Variants in CHRM3 observed in about 807,000 individuals in gnomAD.
CHRM3 encodes cholinergic receptor muscarinic 3.
CHRM3 carries 11 observed loss-of-function variants against 41.8 expected under a neutral mutation model. The ratio of observed to expected loss-of-function variants is 0.26; its 90% confidence interval spans 0.17 to 0.44. The LOEUF (loss-of-function observed/expected upper bound fraction) is 0.44, where lower values mean the gene tolerates loss of function less well. CHRM3 is among the 20% of genes least tolerant of loss of function. The probability of loss-of-function intolerance (pLI) is 1.00; values close to 1 mark genes in which losing one functional copy is unlikely to be tolerated. For synonymous variants in CHRM3, 297 were observed against 301.4 expected, an observed-to-expected ratio of 0.99 and a Z score of 0.15; for missense variants, 571 against 745.4, an observed-to-expected ratio of 0.77 and a Z score of 2.72.
At chr1:239,682,904 G>A (rs1367182495) in intron 5 of CHRM3, among the ~76,000 whole-genome samples, 2 of 152,114 alleles carry the variant, frequency 1.3e-5, no homozygotes, top group African/African-American at 4.8e-5. Context: ...GGTAAAGTGT[G>A]ATGTTTGGAT....
At chr1:239,895,229 G>C (rs12075828) in intron 6 of CHRM3, among the ~76,000 whole-genome samples, 40,814 of 152,136 alleles carry the variant, frequency 0.27, 9,864 homozygotes, top group African/African-American at 0.65. Flanking sequence ...TCCTTTCTAT[G>C]CTGAAAGATG....
chr1:239,420,318 A>G lies in CHRM3; in HGVS notation c.-521+33091A>G, dbSNP rs150363186. On this transcript the variant is annotated intron_variant, in intron 1 of 6. Coordinates refer to ENST00000676153, the MANE Select transcript of CHRM3 (RefSeq NM_001375978.1). Reference sequence around the variant, plus strand: ...CTCTCTCAGCCGCATGGTAGTGAGCACAGAGTTGTAGGCACCAGAGAGCGT... The same window carrying G: ...CTCTCTCAGCCGCATGGTAGTGAGCGCAGAGTTGTAGGCACCAGAGAGCGT... Among the ~76,000 whole-genome samples, 343 of 152,326 alleles carry G rather than the reference A, an allele frequency of 2.3e-3. 2 individuals are homozygous for G. Among genetic ancestry groups the G allele is most frequent in the Non-Finnish European group, 4.1e-3 (276 of 68,026 alleles).
chr1:239,768,190 A>G (rs1268782546), intron 5 of CHRM3, among the ~76,000 whole-genome samples: 1 of 152,208 alleles, frequency 6.6e-6, no homozygotes, highest in Non-Finnish European at 1.5e-5. Context: ...AAAAGAGAAT[A>G]GAGTATGCCC....
chr1:239,511,469 AAAAC>A (rs1668916786), intron 2 of CHRM3, among the ~76,000 whole-genome samples: 1 of 152,216 alleles, frequency 6.6e-6, no homozygotes, highest in Non-Finnish European at 1.5e-5. Context: ...AAAGGATTGA[AAAAC>A]AAAAGTATCA....
At chr1:239,548,729 T>C (rs12071889) in intron 3 of CHRM3, among the ~76,000 whole-genome samples, 4,671 of 152,300 alleles carry the variant, frequency 0.031, 96 homozygotes, top group Admixed American at 0.049. Flanking sequence ...GAGATGCCCA[T>C]GGCACTGATG....
At chr1:239,904,359 A>G (rs1679808705) in intron 6 of CHRM3, among the ~76,000 whole-genome samples, 1 of 152,238 alleles carries the variant, frequency 6.6e-6, no homozygotes, top group African/African-American at 2.4e-5. Flanking sequence ...GAGGCACCCC[A>G]GACTCCCCAG....
intron 1 of CHRM3, among the ~76,000 whole-genome samples, chr1:239,486,156 CAAATG>C (rs907636678): frequency 2.0e-4 from 31 of 152,296 alleles, no homozygotes; most frequent in African/African-American, 7.5e-4. Context: ...TTTCTCTTTC[CAAATG>C]CTTGAATATC....
chr1:239,464,522 C>T (rs1018677228), intron 1 of CHRM3, among the ~76,000 whole-genome samples: 1 of 152,156 alleles, frequency 6.6e-6, no homozygotes, highest in Non-Finnish European at 1.5e-5. Context: ...AAGTCATAAA[C>T]AACCTTACTC....
chr1:239,894,728 C>T (rs1039242885), intron 6 of CHRM3, among the ~76,000 whole-genome samples: 5 of 151,984 alleles, frequency 3.3e-5, no homozygotes, highest in African/African-American at 9.6e-5. Flanking sequence ...CCACCGCGCC[C>T]GACCGAGAAG....
At chr1:239,738,545 A>G (rs894219274) in intron 5 of CHRM3, among the ~76,000 whole-genome samples, 3 of 152,212 alleles carry the variant, frequency 2.0e-5, no homozygotes, top group African/African-American at 7.2e-5. Context: ...GTCAGAAAAC[A>G]GTGCTTCCCT....
chr1:239,903,216 A>G (rs1429182062), intron 6 of CHRM3, among the ~76,000 whole-genome samples: 1 of 152,198 alleles, frequency 6.6e-6, no homozygotes, highest in Non-Finnish European at 1.5e-5. Flanking sequence ...AACTAAAAGA[A>G]AACAACTGAC....
chr1:239,770,656 G>C (rs1352556395), intron 5 of CHRM3, among the ~76,000 whole-genome samples: 2 of 152,168 alleles, frequency 1.3e-5, no homozygotes, highest in African/African-American at 4.8e-5. Context: ...GCCCAAGAAA[G>C]TAGAGGGACC....
At chr1:239,756,299 CTG>C (rs1254021883) in intron 5 of CHRM3, among the ~76,000 whole-genome samples, 1 of 152,126 alleles carries the variant, frequency 6.6e-6, no homozygotes, top group Non-Finnish European at 1.5e-5. Flanking sequence ...CCTAGTCAGT[CTG>C]TACTATGATG....
chr1:239,898,357 C>T (rs57259547), intron 6 of CHRM3: 1 of 152,112 alleles, frequency 6.6e-6, no homozygotes, highest in Non-Finnish European at 1.5e-5. Flanking sequence ...TTGCCATTCA[C>T]CAGGTAGTTT....
At chr1:239,878,570 T>C (rs186262974) in intron 6 of CHRM3, among the ~76,000 whole-genome samples, 88 of 152,136 alleles carry the variant, frequency 5.8e-4, no homozygotes, top group Non-Finnish European at 8.2e-4. Flanking sequence ...CCCGGCTATA[T>C]ACAGTAATGA....
chr1:239,422,795 TA>T (rs1036264674), intron 1 of CHRM3, among the ~76,000 whole-genome samples: 9 of 138,274 alleles, frequency 6.5e-5, no homozygotes, highest in South Asian at 2.4e-4. Context: ...GACTCTATCT[TA>T]AAAAAAACAA....
chr1:239,838,497 T>C (rs574200702), intron 6 of CHRM3, among the ~76,000 whole-genome samples: 23 of 152,300 alleles, frequency 1.5e-4, no homozygotes, highest in Non-Finnish European at 2.6e-4. Flanking sequence ...ATTCCTCCTC[T>C]TAGCATTTGT....
At chr1:239,810,210 A>AGCTGTGAG (rs1242306708) in intron 5 of CHRM3, among the ~76,000 whole-genome samples, 1 of 152,120 alleles carries the variant, frequency 6.6e-6, no homozygotes. Flanking sequence ...ATGAAATGCC[A>AGCTGTGAG]GCTGTGAGGT....
chr1:239,524,044 C>T (rs1340465220), intron 2 of CHRM3, among the ~76,000 whole-genome samples: 1 of 152,046 alleles, frequency 6.6e-6, no homozygotes, highest in African/African-American at 2.4e-5. Context: ...AATTTAATAC[C>T]ACATTTCTCA....
Sources: allele counts gnomAD v4.1 joint callset (sites outside exome capture counted in the v4.1 genomes callset), GRCh38; gene constraint gnomAD v4.1.1; transcripts MANE v1.5; gene names NCBI Gene and HGNC (gene_info 2026-07-23, HGNC 2026-07-21).